The following CCDC88A variants were observed in gnomAD, a reference collection of about 807,000 sequenced individuals.
CCDC88A encodes the protein coiled-coil and HOOK domain protein 88A.
A neutral mutation model predicts 234.3 loss-of-function variants in CCDC88A; 54 were observed. The observed-to-expected ratio is 0.23, with a 90% CI of 0.19 to 0.29. The LOEUF is 0.29. CCDC88A is among the 10% of genes least tolerant of loss of function. The pLI, the probability that CCDC88A is intolerant of heterozygous loss-of-function variation, is 1.00. For synonymous variants in CCDC88A, 753 were observed against 737.8 expected (o/e 1.02, Z -0.33); for missense variants, 1,832 against 2,123.4 (o/e 0.86, Z 2.70).
chr2:55,409,530 A>C (rs926229011), intron 2 of CCDC88A, among the ~76,000 whole-genome samples: 2 of 152,164 alleles, frequency 1.3e-5, no homozygotes, highest in Non-Finnish European at 2.9e-5. Context: ...CCTAGCATCT[A>C]ACAGTTTATT....
In CCDC88A at chr2:55,317,132, A is replaced by G. The variant is rs933423865; in HGVS notation, c.3746+74T>C. ...AAGAAATAATACATAATTTTGAAAA[A>G]ACATATATATACACATATATATGTA... On this transcript the variant is annotated intron_variant, in intron 21 of 32. Coordinates refer to ENST00000436346, the MANE Select transcript of CCDC88A (RefSeq NM_001365480.1). This position sits in a 1 kb window ranked among gnomAD's most constrained non-coding sequence, Gnocchi z 4.2. 7 of 569,250 alleles carry G rather than the reference A, an allele frequency of 1.2e-5. No homozygotes were observed. The African/African-American group carries it at 1.4e-4, about 11-fold the overall frequency. The allele number at this position is 569,250 out of a possible 1,614,324, so 35.3% of individuals were successfully genotyped here. A position where few individuals can be genotyped will look rare whatever the true frequency, so the allele number is the denominator to read the frequency against.
intron 4 of CCDC88A, among the ~76,000 whole-genome samples, chr2:55,373,781 T>A (rs1574337275): frequency 6.6e-6 from 1 of 152,182 alleles, no homozygotes; most frequent in East Asian, 1.9e-4. Context: ...ATCTAATTAA[T>A]AGTTTCCTCT....
intron 3 of CCDC88A, among the ~76,000 whole-genome samples, chr2:55,387,639 G>A (rs750586311): frequency 1.3e-5 from 2 of 151,634 alleles, no homozygotes; most frequent in African/African-American, 2.4e-5. Flanking sequence ...AAAATTAGCT[G>A]GACACGGTGG....
chr2:55,322,471 C>T, intron 18 of CCDC88A, 57 bp downstream of exon 18: 1 of 957,790 alleles, frequency 1.0e-6, no homozygotes, highest in Non-Finnish European at 1.6e-6. Flanking sequence ...ATAAATATAT[C>T]CAGTGATCCT....
chr2:55,346,057 A>G (rs1669073618), intron 10 of CCDC88A, 118 bp downstream of exon 10: 1 of 672,636 alleles, frequency 1.5e-6, no homozygotes, highest in Non-Finnish European at 2.5e-6. Flanking sequence ...ACATACCCAA[A>G]TGTATTTACT....
intron 3 of CCDC88A, among the ~76,000 whole-genome samples, chr2:55,385,850 G>T (rs13008631): frequency 1.0e-5 from 1 of 99,658 alleles, no homozygotes; most frequent in African/African-American, 4.2e-5. Flanking sequence ...GAAACTCCAT[G>T]TCAAAAAAAA....
intron 2 of CCDC88A, among the ~76,000 whole-genome samples, chr2:55,391,955 C>T (rs1676725275): frequency 1.3e-5 from 2 of 152,158 alleles, no homozygotes; most frequent in South Asian, 4.1e-4. Context: ...CTGGAGGTTT[C>T]TCAGCCTTTT....
At chr2:55,341,496 G>A (rs1182317413) in intron 12 of CCDC88A, among the ~76,000 whole-genome samples, 1 of 148,718 alleles carries the variant, frequency 6.7e-6, no homozygotes, top group Non-Finnish European at 1.5e-5. Context: ...CTAGGCTGGA[G>A]TGCAATAGGA....
intron 18 of CCDC88A, among the ~76,000 whole-genome samples, chr2:55,320,399 A>G (rs1003330597): frequency 6.6e-6 from 1 of 152,182 alleles, no homozygotes; most frequent in Non-Finnish European, 1.5e-5. Context: ...GGGCAAAGAA[A>G]TAAGTTAGCA....
At chr2:55,327,152 A>T (rs1480949311) in intron 17 of CCDC88A, among the ~76,000 whole-genome samples, 2 of 152,212 alleles carry the variant, frequency 1.3e-5, no homozygotes, top group Non-Finnish European at 2.9e-5. Flanking sequence ...CTTATTCTGT[A>T]ACAATGTATG....
chr2:55,363,729 T>C (rs555092350), intron 6 of CCDC88A: 6 of 388,156 alleles, frequency 1.5e-5, no homozygotes, highest in Non-Finnish European at 2.8e-5. Context: ...TTTCTGCCTA[T>C]GTCACTATAG....
chr2:55,297,329 A>AAATTTATATATT lies in CCDC88A; in HGVS notation c.4826-807_4826-806insAATATATAAATT, dbSNP rs796152324. Among the ~76,000 whole-genome samples the AAATTTATATATT allele has an allele frequency of 2.9e-3, 45 of 15,362 alleles. No homozygotes were observed. In the East Asian group the frequency reaches 0.037, roughly 13 times the overall value. 10.1% of individuals were successfully genotyped at this position (15,362 alleles called of 152,430 possible). A position where few individuals can be genotyped will look rare whatever the true frequency, so the allele number is the denominator to read the frequency against. On this transcript the variant is annotated intron_variant, in intron 29 of 32. Coordinates refer to ENST00000436346, the MANE Select transcript of CCDC88A (RefSeq NM_001365480.1). Reference sequence around the variant, plus strand: ...AATTATATATAAATATATAATATATAATATATAAATTTATATATTATATAT... The same window carrying AAATTTATATATT: ...AATTATATATAAATATATAATATATAAATTTATATATTATATATAAATTTATATATTATATAT...
intron 2 of CCDC88A, 125 bp from the exon 3 acceptor site, chr2:55,389,011 G>C (rs1676157941): frequency 6.7e-6 from 2 of 297,544 alleles, no homozygotes; most frequent in African/African-American, 4.4e-5. Flanking sequence ...CATTAACAGA[G>C]ATGGTCCAAA....
At chr2:55,303,758 G>A (rs984512004) in intron 25 of CCDC88A, among the ~76,000 whole-genome samples, 1 of 152,040 alleles carries the variant, frequency 6.6e-6, no homozygotes, top group African/African-American at 2.4e-5. Flanking sequence ...ATTTATGCAG[G>A]GATCAACTTT....
At position 55,296,073 on chromosome 2, in the gene CCDC88A, T is replaced by C. The variant is rs772361552; in HGVS notation, c.5092-17A>G. On this transcript the variant is annotated splice_polypyrimidine_tract_variant and intron_variant, in intron 30 of 32. Transcript: ENST00000436346. ...GGACTTTATCTGTTTAAAAAAAAATTCAAAGCAGATTAGTGAATATAGTGC... is the reference window on the plus strand; with the variant it reads ...GGACTTTATCTGTTTAAAAAAAAATCCAAAGCAGATTAGTGAATATAGTGC... 1 of 1,547,946 alleles carries C rather than the reference T, an allele frequency of 6.5e-7. No individual in the cohort carries two copies. The highest frequency in any genetic ancestry group is 8.7e-7 in the Non-Finnish European group (1 of 1,146,532).
At chr2:55,294,156 A>G in intron 31 of CCDC88A, 1 of 706,942 alleles carries the variant, frequency 1.4e-6, no homozygotes. Context: ...AAGTAAAAAT[A>G]CAAATTTCCA....
At chr2:55,327,743 C>T (rs939681122) in intron 17 of CCDC88A, among the ~76,000 whole-genome samples, 1 of 152,126 alleles carries the variant, frequency 6.6e-6, no homozygotes, top group Non-Finnish European at 1.5e-5. Context: ...TGGGAAAGTC[C>T]CTTATATTTT....
intron 5 of CCDC88A, among the ~76,000 whole-genome samples, chr2:55,368,386 AT>A (rs931782792): frequency 3.3e-5 from 5 of 151,786 alleles, no homozygotes; most frequent in South Asian, 2.1e-4. Context: ...TAAGAATTTC[AT>A]TTTTTTTCTT....
chr2:55,414,286 A>G (rs372102106), intron 2 of CCDC88A, among the ~76,000 whole-genome samples: 17 of 152,258 alleles, frequency 1.1e-4, no homozygotes, highest in East Asian at 5.8e-4. Flanking sequence ...ATTCCTTAAA[A>G]ACTCACAGCA....
Sources: allele counts gnomAD v4.1 joint callset (sites outside exome capture counted in the v4.1 genomes callset), GRCh38; gene constraint gnomAD v4.1.1; non-coding constraint Gnocchi (gnomAD v3.1); transcripts MANE v1.5; gene names NCBI Gene and HGNC (gene_info 2026-07-23, HGNC 2026-07-21).